Variants in TMEM37 observed in about 807,000 individuals in gnomAD.
TMEM37 encodes transmembrane protein 37.
In TMEM37, 12 loss-of-function variants were observed where a neutral mutation model predicts 11.0. The ratio of observed to expected loss-of-function variants is 1.09; its 90% CI spans 0.70 to 1.76. The LOEUF (loss-of-function observed/expected upper bound fraction) is 1.76, where lower values mean the gene tolerates loss of function less well. Ranked by LOEUF, TMEM37 falls within the 40% of genes most tolerant of loss-of-function variation. The pLI is 0.00. For synonymous variants in TMEM37, 127 were observed against 110.5 expected (o/e 1.15, Z -0.94); for missense variants, 203 against 251.2 (o/e 0.81, Z 1.30).
intron 1 of TMEM37, among the ~76,000 whole-genome samples, chr2:119,434,241 C>T (rs761812707): frequency 5.9e-5 from 9 of 152,120 alleles, no homozygotes; most frequent in Non-Finnish European, 1.0e-4. Flanking sequence ...TGGTGCTCCT[C>T]CTTTTTAGGA....
At chr2:119,431,007 G>A (rs1335519344), upstream of TMEM37, among the ~76,000 whole-genome samples, 1 of 152,216 alleles carries the variant, frequency 6.6e-6, no homozygotes, top group African/African-American at 2.4e-5. Context: ...GGCTTGATGG[G>A]GCGCGCTTGT....
intron 1 of TMEM37, among the ~76,000 whole-genome samples, chr2:119,432,998 C>T (rs1682433538): frequency 6.6e-6 from 1 of 152,206 alleles, no homozygotes; most frequent in Admixed American, 6.5e-5. Context: ...GGGAATTCCT[C>T]CCCTTTGTTC....
rs1325050672 is a variant in TMEM37, at chr2:119,438,178, G to A, written c.*738G>A. On this transcript the variant is annotated 3_prime_UTR_variant, in exon 2 of 2. Transcript: ENST00000306406. ...TACCTTAAGGTGGGTTTCCTTCCGAGAAGAGTTCTTGAGCAAGCTCTCCCA... is the reference window on the plus strand; with the variant it reads ...TACCTTAAGGTGGGTTTCCTTCCGAAAAGAGTTCTTGAGCAAGCTCTCCCA... 6.6e-6 allele frequency: 1 copy of A among 152,192 alleles called. No individual in the cohort carries two copies. The highest frequency in any genetic ancestry group is 2.4e-5 in the African/African-American group (1 of 41,436). 9.4% of individuals were successfully genotyped at this position (152,192 alleles called of 1,614,324 possible).
Position 119,436,922 on chromosome 2 carries a change from C to A in TMEM37, c.55C>A (p.Arg19=). ...GCCTTTGGGCCAAAGGCAGCCCCGC[C>A]GGTCCTTCTTTGAATCCTTCATCCG... is the stretch of plus-strand genomic sequence containing the variant. ...QRPLGQRQPR[R]SFFESFIRTL... is the part of the protein sequence containing the mutation. The change falls in exon 2 of 2, where the codon CGG becomes AGG. Residue 19 remains arginine, a synonymous_variant. Coordinates refer to ENST00000306406, the MANE Select transcript of TMEM37 (RefSeq NM_183240.3). The A allele has an allele frequency of 6.2e-7, 1 of 1,614,150 alleles. No individual in the cohort carries two copies. The highest frequency in any genetic ancestry group is 1.1e-5 in the South Asian group (1 of 91,066).
At chr2:119,434,305 C>T (rs1409812007) in intron 1 of TMEM37, among the ~76,000 whole-genome samples, 6 of 152,120 alleles carry the variant, frequency 3.9e-5, no homozygotes, top group Admixed American at 2.0e-4. Flanking sequence ...TTCATGGCTA[C>T]GACTTTCCTG....
At chr2:119,434,457 ATT>A (rs112573313) in intron 1 of TMEM37, among the ~76,000 whole-genome samples, 5 of 144,694 alleles carry the variant, frequency 3.5e-5, no homozygotes, top group Non-Finnish European at 1.5e-5. Flanking sequence ...TTACCGGTAG[ATT>A]TTTTTTTTTT....
Position 119,437,871 on chromosome 2 carries a change from GGTT to G in TMEM37, c.*435_*437del, listed in dbSNP as rs376126604. 1.7e-3 allele frequency: 298 copies of G among 173,788 alleles called. No homozygotes were observed. The highest frequency in any genetic ancestry group is 6.8e-3 in the African/African-American group (286 of 41,828). The allele number at this position is 173,788 out of a possible 1,614,324, so 10.8% of individuals were successfully genotyped here. On this transcript the variant is annotated 3_prime_UTR_variant, in exon 2 of 2. Transcript: ENST00000306406. Reference sequence around the variant, plus strand: ...GCTGCAGAATCCCTGGGGCTCCCAGGGTTGTTAAGAATGGATCATTCTTCCAGC... The same window carrying G: ...GCTGCAGAATCCCTGGGGCTCCCAGGGTTAAGAATGGATCATTCTTCCAGC...
intron 1 of TMEM37, among the ~76,000 whole-genome samples, chr2:119,434,395 T>C (rs750559433): frequency 4.6e-5 from 7 of 152,126 alleles, no homozygotes; most frequent in Admixed American, 6.5e-5. Flanking sequence ...CAAACACCTC[T>C]AATGGTTTGT....
intron 1 of TMEM37, among the ~76,000 whole-genome samples, chr2:119,436,112 G>A (rs1446667344): frequency 6.6e-6 from 1 of 152,166 alleles, no homozygotes; most frequent in African/African-American, 2.4e-5. Context: ...CTTGAACTGT[G>A]AGATGAGACA....
In TMEM37 at chr2:119,431,930, C is replaced by CGGCGCCTGGCGG; in HGVS notation, c.21+12_21+23dup. 1.6e-6 allele frequency: 2 copies of CGGCGCCTGGCGG among 1,224,426 alleles called. No homozygotes were observed. Among genetic ancestry groups the CGGCGCCTGGCGG allele is most frequent in the Non-Finnish European group, 2.0e-6 (2 of 983,038 alleles). 75.8% of individuals were successfully genotyped at this position (1,224,426 alleles called of 1,614,324 possible). On this transcript the variant is annotated splice_region_variant and intron_variant, in intron 1 of 1. Coordinates refer to ENST00000306406, the MANE Select transcript of TMEM37 (RefSeq NM_183240.3). ...TGACTGCCGTCGGCGTGCAGGTAGC[C>CGGCGCCTGGCGG]GGCGCCTGGCGGGGCGCTGACCCGG...
Position 119,437,011 on chromosome 2 carries a change from G to A in TMEM37, c.144G>A (p.Gly48=). 6.2e-7 allele frequency: 1 copy of A among 1,614,270 alleles called. No individual in the cohort carries two copies. Among genetic ancestry groups the A allele is most frequent in the African/African-American group, 1.3e-5 (1 of 75,080 alleles). Residue 48 remains glycine, a synonymous_variant, in exon 2 of 2, where the codon GGG becomes GGA. Coordinates refer to ENST00000306406, the MANE Select transcript of TMEM37 (RefSeq NM_183240.3). ...VVLSSVSICD[G]HWLLAEDRLF... Reference sequence around the variant, plus strand: ...TGTCCTCGGTCTCCATTTGTGATGGGCACTGGCTCCTGGCTGAGGACCGCC... The same window carrying A: ...TGTCCTCGGTCTCCATTTGTGATGGACACTGGCTCCTGGCTGAGGACCGCC...
At position 119,436,939 on chromosome 2, in the gene TMEM37, C is replaced by G. The variant is rs770766112; in HGVS notation, c.72C>G (p.Ser24=). 6 of 1,614,232 alleles carry G rather than the reference C, an allele frequency of 3.7e-6. No individual in the cohort carries two copies. Among genetic ancestry groups the G allele is most frequent in the Admixed American group, 3.3e-5 (2 of 60,028 alleles). Residue 24 remains serine (S), a synonymous_variant, in exon 2 of 2, where the codon TCC becomes TCG. Coordinates refer to ENST00000306406, the MANE Select transcript of TMEM37 (RefSeq NM_183240.3). Reference sequence around the variant, plus strand: ...AGCCCCGCCGGTCCTTCTTTGAATCCTTCATCCGGACCCTCATCATCACGT... The same window carrying G: ...AGCCCCGCCGGTCCTTCTTTGAATCGTTCATCCGGACCCTCATCATCACGT... ...QRQPRRSFFE[S]FIRTLIITCV...
In TMEM37 at chr2:119,433,435, G is replaced by T. The variant is rs561629695; in HGVS notation, c.21+1511G>T. Among the ~76,000 whole-genome samples the T allele has an allele frequency of 3.3e-4, 50 of 152,324 alleles. 1 individual carries two copies. In the South Asian group the frequency reaches 9.7e-3, roughly 30 times the overall value. On this transcript the variant is annotated intron_variant, in intron 1 of 1. Transcript: ENST00000306406. ...TGACGATGGTGATGGCCTCACCTGGGTAGGGGCAGAGTGGGTGATGAGGGG... is the reference window on the plus strand; with the variant it reads ...TGACGATGGTGATGGCCTCACCTGGTTAGGGGCAGAGTGGGTGATGAGGGG...
upstream of TMEM37, chr2:119,431,851 C>T: frequency 8.1e-7 from 1 of 1,232,140 alleles, no homozygotes; most frequent in East Asian, 3.3e-5. Context: ...CGCCGGCGGC[C>T]ACAGCGGAGC....
intron 1 of TMEM37, among the ~76,000 whole-genome samples, chr2:119,432,683 G>A (rs1189438414): frequency 6.6e-6 from 1 of 152,192 alleles, no homozygotes; most frequent in Non-Finnish European, 1.5e-5. Context: ...GAGTCTATCC[G>A]CTGGACTGTC....
At chr2:119,430,161 G>T (rs931355194), upstream of TMEM37, 11 of 644,570 alleles carry the variant, frequency 1.7e-5, no homozygotes, top group African/African-American at 2.0e-4. Flanking sequence ...GAAAGCAGGT[G>T]GGGGCCACGG....
In TMEM37 at chr2:119,437,564, C is replaced by A; in HGVS notation, c.*124C>A. 1 of 1,295,092 alleles carries A rather than the reference C, an allele frequency of 7.7e-7. No homozygotes were observed. Among genetic ancestry groups the A allele is most frequent in the Non-Finnish European group, 1.1e-6 (1 of 950,160 alleles). The allele number at this position is 1,295,092 out of a possible 1,614,324, so 80.2% of individuals were successfully genotyped here. A position where few individuals can be genotyped will look rare whatever the true frequency, so the allele number is the denominator to read the frequency against. On this transcript the variant is annotated 3_prime_UTR_variant, in exon 2 of 2. Transcript: ENST00000306406. ...TTGGACAAGGGCCTTGAAACGGCTG[C>A]CTGTTTGCCGATAACTTGTGGGTGG... is the stretch of plus-strand genomic sequence containing the variant.
At chr2:119,433,243 C>T (rs1682438229) in intron 1 of TMEM37, among the ~76,000 whole-genome samples, 2 of 152,234 alleles carry the variant, frequency 1.3e-5, no homozygotes, top group Admixed American at 6.5e-5. Context: ...GCGGGTGCTC[C>T]GGCCGCTTCG....
chr2:119,430,111 AGC>A, upstream of TMEM37: 1 of 792,018 alleles, frequency 1.3e-6, no homozygotes, highest in Non-Finnish European at 2.0e-6. Context: ...CAGAACCCAG[AGC>A]TGCGGAGAGT....
Sources: allele counts gnomAD v4.1 joint callset (sites outside exome capture counted in the v4.1 genomes callset), GRCh38; gene constraint gnomAD v4.1.1; transcripts MANE v1.5; gene names NCBI Gene and HGNC (gene_info 2026-07-23, HGNC 2026-07-21).